Variants in EML2 observed in about 807,000 individuals in gnomAD.
The protein encoded by EML2 is EMAP like 2.
EML2 carries 59 observed loss-of-function variants against 84.7 expected under a neutral mutation model. The observed-to-expected ratio is 0.70, with a 90% CI of 0.56 to 0.86. EML2 has a LOEUF of 0.86. EML2 is among the 40% of genes least tolerant of loss of function. The pLI, the probability that EML2 is intolerant of heterozygous loss-of-function variation, is 0.00. For missense variants in EML2, 818 were observed against 855.6 expected (o/e 0.96, Z 0.55); for synonymous variants, 352 against 348.9 (o/e 1.01, Z -0.10).
chr19:45,624,675 T>G (rs770051548), intron 9 of EML2, 44 bp downstream of exon 9: 1 of 1,491,196 alleles, frequency 6.7e-7, no homozygotes, highest in Admixed American at 1.7e-5. Flanking sequence ...CAGGAGTGTT[T>G]CAGAAGACTG....
chr19:45,610,109 C>G (rs1970331513), intron 18 of EML2, among the ~76,000 whole-genome samples: 4 of 152,124 alleles, frequency 2.6e-5, no homozygotes, highest in Admixed American at 2.0e-4. Context: ...GTTTAAGAAC[C>G]AACAGAGGCC....
upstream of EML2, chr19:45,642,162 C>T (rs1040012341): frequency 2.0e-6 from 3 of 1,517,706 alleles, no homozygotes; most frequent in African/African-American, 4.1e-5. Context: ...AGCGCGGAGG[C>T]GCCCGGCCCT....
intron 16 of EML2, 98 bp downstream of exon 16, chr19:45,615,704 G>C (rs763019688): frequency 6.9e-5 from 74 of 1,071,362 alleles, no homozygotes; most frequent in Non-Finnish European, 1.0e-4. Context: ...TGAATACCAA[G>C]GGAGCGAGGC....
chr19:45,611,446 AG>A (rs1262893479), intron 18 of EML2, among the ~76,000 whole-genome samples: 1 of 151,496 alleles, frequency 6.6e-6, no homozygotes, highest in African/African-American at 2.4e-5. Flanking sequence ...AATGTTAATT[AG>A]GAGTGGTCAG....
intron 18 of EML2, among the ~76,000 whole-genome samples, chr19:45,610,795 G>A (rs1489767272): frequency 2.6e-5 from 4 of 152,060 alleles, no homozygotes; most frequent in Non-Finnish European, 2.9e-5. Context: ...AGCCGAGATC[G>A]TGCCACTGCA....
At chr19:45,616,150 C>T (rs1186046502) in intron 15 of EML2, 2 of 527,626 alleles carry the variant, frequency 3.8e-6, no homozygotes, top group Admixed American at 3.2e-5. Flanking sequence ...GGGCTAGACA[C>T]GGAGGAGCTG....
rs1600188285 is a variant in EML2 at position 45,632,965 on chromosome 19, G to A, written c.406C>T (p.Pro136Ser). The A allele has an allele frequency of 6.2e-7, 1 of 1,613,814 alleles. No homozygotes were observed. The highest frequency in any genetic ancestry group is 8.5e-7 in the Non-Finnish European group (1 of 1,179,940). ...GAGTCCCAGATGCGCACGTGGGGCG[G>A]CAGCGGCTGCAGGGAAGAGAGGCTT... ...AGTTKEGKPLPPHVRIWDSVS... is the reference protein window; with the variant it reads ...AGTTKEGKPLSPHVRIWDSVS... The change falls in exon 6 of 19, where the codon CCG (proline) becomes TCG (serine). Residue 136 changes from proline (P) to serine (S), a missense_variant. By Grantham distance (74) the Pro-to-Ser change is moderately conservative. Transcript: ENST00000245925.
chr19:45,623,101 G>A (rs1457370039), intron 9 of EML2, among the ~76,000 whole-genome samples: 4 of 145,394 alleles, frequency 2.8e-5, no homozygotes, highest in African/African-American at 5.1e-5. Flanking sequence ...GGCTGATGCC[G>A]ATAATCGCAG....
chr19:45,638,367 T>G (rs1303144705), intron 3 of EML2, 138 bp downstream of exon 3: 1 of 1,231,046 alleles, frequency 8.1e-7, no homozygotes, highest in African/African-American at 1.5e-5. Flanking sequence ...TTTTGTGTGT[T>G]GCCCAGGCAG....
chr19:45,636,311 G>A (rs569303865), intron 3 of EML2, among the ~76,000 whole-genome samples: 1 of 152,314 alleles, frequency 6.6e-6, no homozygotes, highest in East Asian at 1.9e-4. Flanking sequence ...TGTAGAGATG[G>A]GATCTCGCTT....
upstream of EML2, chr19:45,641,981 C>T (rs1428388570): frequency 1.8e-5 from 26 of 1,443,872 alleles, no homozygotes; most frequent in Non-Finnish European, 1.8e-5. Context: ...ACCCACGCGC[C>T]GCGGGGGTCC....
intron 1 of EML2, 162 bp downstream of exon 1, chr19:45,639,195 C>T (rs2122816537): frequency 3.7e-6 from 3 of 821,896 alleles, no homozygotes; most frequent in East Asian, 2.9e-5. Context: ...ACCCGCAGTT[C>T]CCCCAGCACA....
At chr19:45,644,693 T>G, upstream of EML2, 1 of 455,826 alleles carries the variant, frequency 2.2e-6, no homozygotes, top group Non-Finnish European at 4.4e-6. Flanking sequence ...TCCCCTCTTC[T>G]CCTATCTCCC....
At chr19:45,616,956 G>T (rs1285449538) in intron 13 of EML2, 103 bp from the exon 14 acceptor site, 2 of 867,916 alleles carry the variant, frequency 2.3e-6, no homozygotes. Context: ...GACCCCAGAA[G>T]TGACCTGGGC....
intron 1 of EML2, 23 bp downstream of exon 1, chr19:45,639,334 G>T (rs1435562408): frequency 2.2e-6 from 3 of 1,342,106 alleles, no homozygotes; most frequent in Non-Finnish European, 2.9e-6. Context: ...GGAGATGGGG[G>T]GTGGTCTGCG....
chr19:45,622,632 T>C (rs1256829664), intron 9 of EML2, among the ~76,000 whole-genome samples: 2 of 152,156 alleles, frequency 1.3e-5, no homozygotes, highest in East Asian at 1.9e-4. Context: ...GGTTTCACTA[T>C]GTTGGCCGGG....
upstream of EML2, chr19:45,645,048 G>A (rs971558880): frequency 2.3e-5 from 14 of 603,812 alleles, no homozygotes; most frequent in Non-Finnish European, 4.1e-5. Flanking sequence ...TCTCCTCTCC[G>A]TCTAGCCACC....
At chr19:45,615,621 T>G (rs1970961892) in intron 16 of EML2, among the ~76,000 whole-genome samples, 181 bp downstream of exon 16, 1 of 151,730 alleles carries the variant, frequency 6.6e-6, no homozygotes, top group Admixed American at 6.6e-5. Context: ...GGGGAGGAGT[T>G]GACTAAAAGT....
upstream of EML2, chr19:45,643,497 C>G (rs900765353): frequency 1.4e-4 from 216 of 1,526,702 alleles, no homozygotes; most frequent in African/African-American, 2.6e-3. Context: ...AGTCGCCCCC[C>G]CAACCCCGCT....
Sources: allele counts gnomAD v4.1 joint callset (sites outside exome capture counted in the v4.1 genomes callset), GRCh38; gene constraint gnomAD v4.1.1; transcripts MANE v1.5; gene names NCBI Gene and HGNC (gene_info 2026-07-23, HGNC 2026-07-21).